The following JAK2 variants were observed in gnomAD, a reference collection of about 807,000 sequenced individuals.
JAK2 encodes tyrosine-protein kinase JAK2.
Under a neutral mutation model 139.3 loss-of-function variants are expected in JAK2, and 86 were observed. The ratio of observed to expected loss-of-function variants is 0.62; its 90% CI spans 0.52 to 0.74. The LOEUF is 0.74. JAK2 is among the 30% of genes least tolerant of loss of function. JAK2 has a pLI of 0.00. For missense variants in JAK2, 1,421 were observed against 1,360.3 expected, an observed-to-expected ratio of 1.04 and a Z score of -0.70; for synonymous variants, 490 against 437.7, an observed-to-expected ratio of 1.12 and a Z score of -1.49.
intron 2 of JAK2, among the ~76,000 whole-genome samples, chr9:4,998,420 C>A (rs1253004969): frequency 6.6e-6 from 1 of 152,110 alleles, no homozygotes; most frequent in Non-Finnish European, 1.5e-5. Flanking sequence ...CCACGCCCAG[C>A]TAATTTTTGT....
At chr9:5,104,218 A>T (rs1821768958) in intron 22 of JAK2, among the ~76,000 whole-genome samples, 1 of 152,206 alleles carries the variant, frequency 6.6e-6, no homozygotes, top group Admixed American at 6.5e-5. Flanking sequence ...GGAATAAAAA[A>T]TGGTAAAGGG....
intron 2 of JAK2, among the ~76,000 whole-genome samples, chr9:5,004,953 G>A (rs1821183469): frequency 1.4e-5 from 2 of 142,766 alleles, no homozygotes; most frequent in Non-Finnish European, 3.0e-5. Flanking sequence ...GTCTTGCTCT[G>A]TTGCCTAGGC....
At chr9:5,068,174 CAAAA>C (rs34519862) in intron 10 of JAK2, among the ~76,000 whole-genome samples, 1 of 136,232 alleles carries the variant, frequency 7.3e-6, no homozygotes, top group Non-Finnish European at 1.6e-5. Flanking sequence ...AAAACAACAA[CAAAA>C]AAAAAAAAAA....
In JAK2 at chr9:5,090,841, T is replaced by C. The variant is rs1586772790; in HGVS notation, c.2989T>C (p.Leu997=). The part of the protein sequence containing the change: ...ENRVKIGDFG[L]TKVLPQDKEY... The stretch of plus-strand genomic sequence containing the variant: ...CAGAGTTAAAATTGGAGATTTTGGG[T>C]TAACCAAAGTCTTGCCACAAGACAA... The change falls in exon 22 of 25, where the codon TTA becomes CTA. Residue 997 remains leucine (L), a synonymous_variant. Transcript: ENST00000381652. 1.9e-6 allele frequency: 3 copies of C among 1,613,534 alleles called. No homozygotes were observed. The highest frequency in any genetic ancestry group is 2.5e-6 in the Non-Finnish European group (3 of 1,179,658).
chr9:5,114,309 G>C, intron 22 of JAK2: 1 of 542,840 alleles, frequency 1.8e-6, no homozygotes, highest in South Asian at 1.6e-5. Context: ...TTGGTCCCAG[G>C]CCAGTGGGAA....
At chr9:5,040,745 G>C (rs1440072640) in intron 4 of JAK2, among the ~76,000 whole-genome samples, 1 of 152,258 alleles carries the variant, frequency 6.6e-6, no homozygotes, top group Non-Finnish European at 1.5e-5. Flanking sequence ...CGGGCGTCCG[G>C]GACCGTGGTG....
intron 9 of JAK2, among the ~76,000 whole-genome samples, chr9:5,065,538 T>C (rs1818511743): frequency 6.6e-6 from 1 of 152,230 alleles, no homozygotes; most frequent in Non-Finnish European, 1.5e-5. Flanking sequence ...AGCCACTAGC[T>C]ACATGTGGCT....
intron 4 of JAK2, among the ~76,000 whole-genome samples, chr9:5,036,612 A>G (rs1179600546): frequency 1.3e-5 from 2 of 152,236 alleles, no homozygotes; most frequent in African/African-American, 4.8e-5. Context: ...GAAATGGGGA[A>G]AGGATTCCCT....
At chr9:5,071,562 C>T (rs1818950687) in intron 12 of JAK2, among the ~76,000 whole-genome samples, 3 of 152,130 alleles carry the variant, frequency 2.0e-5, no homozygotes, top group African/African-American at 7.2e-5. Flanking sequence ...TTACTTATAG[C>T]TGAAGAGAGA....
chr9:5,008,871 C>G (rs963291738), intron 2 of JAK2, among the ~76,000 whole-genome samples: 1 of 152,080 alleles, frequency 6.6e-6, no homozygotes, highest in African/African-American at 2.4e-5. Flanking sequence ...CTGGATTGAT[C>G]CTCTTATTTC....
At chr9:5,094,132 C>T (rs935491887) in intron 22 of JAK2, 23 of 152,244 alleles carry the variant, frequency 1.5e-4, no homozygotes, top group African/African-American at 5.3e-4. Flanking sequence ...TACTTATATT[C>T]CCACTCTAAT....
chr9:5,014,373 T>C (rs1372795587), intron 2 of JAK2, among the ~76,000 whole-genome samples: 1 of 152,190 alleles, frequency 6.6e-6, no homozygotes, highest in Non-Finnish European at 1.5e-5. Flanking sequence ...ACAGCTTTTA[T>C]ATACTCTTCA....
intron 22 of JAK2, among the ~76,000 whole-genome samples, chr9:5,120,540 A>G (rs944698984): frequency 2.6e-5 from 4 of 152,154 alleles, no homozygotes; most frequent in African/African-American, 4.8e-5. Context: ...TAACTGGGGG[A>G]AAAAGTGCCT....
upstream of JAK2, chr9:4,984,756 G>C (rs2129651417): frequency 6.6e-6 from 1 of 152,462 alleles, no homozygotes; most frequent in Non-Finnish European, 1.5e-5. Flanking sequence ...GCGCTGGGGA[G>C]CCAGCCAGGG....
intron 2 of JAK2, among the ~76,000 whole-genome samples, chr9:4,999,726 G>A (rs1030761429): frequency 6.6e-6 from 1 of 152,198 alleles, no homozygotes; most frequent in Non-Finnish European, 1.5e-5. Flanking sequence ...TAGGATTACA[G>A]GCGTGAGCCC....
Position 5,049,893 on chromosome 9 carries a change from G to A in JAK2, c.469-793G>A, listed in dbSNP as rs74773122. 4.1e-3 allele frequency among the ~76,000 whole-genome samples: 625 copies of A among 152,180 alleles called. 6 individuals are homozygous for A. Among genetic ancestry groups the A allele is most frequent in the African/African-American group, 0.014 (598 of 41,508 alleles). On this transcript the variant is annotated intron_variant, in intron 5 of 24. Coordinates refer to ENST00000381652, the MANE Select transcript of JAK2 (RefSeq NM_004972.4). ...ATATTGTAGGCACTTGTAACACAAC[G>A]GTAAGTATTTGTGTAGTTAAACATA...
intron 23 of JAK2, among the ~76,000 whole-genome samples, chr9:5,123,979 T>TC (rs1414338666): frequency 1.3e-5 from 2 of 151,886 alleles, no homozygotes. Context: ...TAGCATTTTT[T>TC]CATATGCCTC....
chr9:4,993,181 C>G (rs868839063), intron 2 of JAK2, among the ~76,000 whole-genome samples: 3 of 152,186 alleles, frequency 2.0e-5, no homozygotes, highest in Admixed American at 1.3e-4. Flanking sequence ...TTGAGAGGAA[C>G]TCTTTCCTCC....
At chr9:5,111,835 G>C (rs1018945721) in intron 22 of JAK2, 12 of 407,446 alleles carry the variant, frequency 2.9e-5, no homozygotes, top group South Asian at 2.2e-4. Flanking sequence ...CCACACGCCT[G>C]TCGGCGGGGC....
Sources: gnomAD v4.1 joint callset for allele counts (sites outside exome capture counted in the v4.1 genomes callset) on GRCh38, gnomAD v4.1.1 for gene constraint, MANE v1.5 for transcripts, NCBI Gene and HGNC (gene_info 2026-07-23, HGNC 2026-07-21) for gene names.